Variants in CELSR1 observed in about 807,000 individuals in gnomAD.
The protein encoded by CELSR1 is cadherin EGF LAG seven-pass G-type receptor 1, also known as adhesion G protein-coupled receptor C1.
A neutral mutation model predicts 249.1 loss-of-function variants in CELSR1; 110 were observed. The ratio of observed to expected loss-of-function variants is 0.44; its 90% CI spans 0.38 to 0.52. The LOEUF is 0.52. Among genes scored for constraint, CELSR1 ranks in the 20% least tolerant of loss-of-function variants. The pLI is 0.00. For synonymous variants in CELSR1, 2,113 were observed against 1,900.0 expected, an observed-to-expected ratio of 1.11 and a Z score of -2.92; for missense variants, 4,109 against 4,296.4, an observed-to-expected ratio of 0.96 and a Z score of 1.22.
chr22:46,476,584 A>G (rs112286375), intron 1 of CELSR1, among the ~76,000 whole-genome samples: 367 of 135,022 alleles, frequency 2.7e-3, no homozygotes, highest in Admixed American at 6.7e-3. Flanking sequence ...CAACAGAGTA[A>G]GACTCCGTCT....
At position 46,446,829 on chromosome 22, in the gene CELSR1, T is replaced by TA. The variant is rs953901681; in HGVS notation, c.4184-7419dup. Among the ~76,000 whole-genome samples, 3 of 152,106 alleles carry TA rather than the reference T, an allele frequency of 2.0e-5. No individual in the cohort carries two copies. The highest frequency in any genetic ancestry group is 1.3e-4 in the Admixed American group (2 of 15,272). On this transcript the variant is annotated intron_variant, in intron 2 of 34. Transcript: ENST00000674500. The surrounding 1 kb of genome is among the most constrained non-coding windows in gnomAD (Gnocchi z 5.5). ...TAGTTAAAACATCTTTTCTTTTTTT[T>TA]AATAAAGGACCATGAGAACCAAGAG... is the stretch of plus-strand genomic sequence containing the variant.
chr22:46,379,297 A>G (rs538341773), intron 22 of CELSR1, among the ~76,000 whole-genome samples: 1 of 152,338 alleles, frequency 6.6e-6, no homozygotes, highest in South Asian at 2.1e-4. Context: ...ACAAGGTGTT[A>G]TAAGGTGTGT....
chr22:46,463,753 G>A lies in CELSR1; in HGVS notation c.4137C>T (p.Arg1379=). The stretch of plus-strand genomic sequence containing the variant: ...CGCAGGTGTAGCCGCCCTCGCGGCT[G>A]CGGCAGCGGCCGTTGGCGCCGCACG... The part of the protein sequence containing the change: ...SDPCGANGRC[R]SREGGYTCEC... The change falls in exon 2 of 35, where the codon CGC becomes CGT. Residue 1379 remains arginine (R), a synonymous_variant. Transcript: ENST00000674500. 1.3e-6 allele frequency: 2 copies of A among 1,545,304 alleles called. No individual in the cohort carries two copies. The highest frequency in any genetic ancestry group is 2.0e-5 in the Admixed American group (1 of 49,660).
chr22:46,533,681 G>C lies in CELSR1; in HGVS notation c.3490C>G (p.Arg1164Gly). The C allele has an allele frequency of 1.2e-6, 2 of 1,608,790 alleles. No homozygotes were observed. The highest frequency in any genetic ancestry group is 1.7e-6 in the Non-Finnish European group (2 of 1,178,874). The change falls in exon 1 of 35, where the codon CGC (arginine) becomes GGC (glycine). Residue 1164 changes from arginine to glycine, a missense_variant. Physicochemically the swap from Arg to Gly is moderately radical, Grantham distance 125 (BLOSUM62 -2). Transcript: ENST00000674500. ...DPATGELQLSRDLDNNRPLEA... is the reference protein window; with the variant it reads ...DPATGELQLSGDLDNNRPLEA... Reference sequence around the variant, plus strand: ...AGCGGCCGGTTGTTGTCCAGGTCGCGGCTGAGCTGCAGTTCGCCCGTGGCG... The same window carrying C: ...AGCGGCCGGTTGTTGTCCAGGTCGCCGCTGAGCTGCAGTTCGCCCGTGGCG...
chr22:46,457,420 CAA>C (rs1250240137), intron 2 of CELSR1, among the ~76,000 whole-genome samples: 1 of 152,126 alleles, frequency 6.6e-6, no homozygotes, highest in African/African-American at 2.4e-5. Context: ...TCAACCCTAA[CAA>C]AGCAGCCCCG....
rs555206400 is a variant in CELSR1 at position 46,427,137 on chromosome 22, A to G, written c.4611+6256T>C. On this transcript the variant is annotated intron_variant, in intron 5 of 34. Coordinates refer to ENST00000674500, the MANE Select transcript of CELSR1 (RefSeq NM_001378328.1). The surrounding 1 kb of genome is among the most constrained non-coding windows in gnomAD (Gnocchi z 4.2). Reference sequence around the variant, plus strand: ...CACACACACACCTACACAGACGTCTATGTCCTAGCTCTGCCCAGTAAGAGA... The same window carrying G: ...CACACACACACCTACACAGACGTCTGTGTCCTAGCTCTGCCCAGTAAGAGA... Among the ~76,000 whole-genome samples the G allele has an allele frequency of 9.2e-5, 14 of 152,298 alleles. No individual in the cohort carries two copies. The highest frequency in any genetic ancestry group is 4.2e-4 in the South Asian group (2 of 4,818).
Position 46,461,350 on chromosome 22 carries a change from ACT to A in CELSR1, c.4183+2355_4183+2356del, listed in dbSNP as rs1367074562. Among the ~76,000 whole-genome samples, 3 of 152,082 alleles carry A rather than the reference ACT, an allele frequency of 2.0e-5. No homozygotes were observed. The East Asian group carries it at 5.8e-4, about 29-fold the overall frequency. On this transcript the variant is annotated intron_variant, in intron 2 of 34. Transcript: ENST00000674500. ...CCCAGTCATTAGTTTTCTAAAAATG[ACT>A]CTCCCGATGAAAAGAAAACCTGAGA...
At chr22:46,420,224 TCA>T (rs1169830916) in intron 5 of CELSR1, among the ~76,000 whole-genome samples, 1 of 149,446 alleles carries the variant, frequency 6.7e-6, no homozygotes, top group African/African-American at 2.5e-5. Context: ...ATACCCACAT[TCA>T]CACCCACATA....
At chr22:46,520,676 G>C (rs2080676355) in intron 1 of CELSR1, among the ~76,000 whole-genome samples, 2 of 152,052 alleles carry the variant, frequency 1.3e-5, no homozygotes, top group South Asian at 4.2e-4. Context: ...TGGCCAGGCT[G>C]ATCTCGAGCT....
At position 46,411,737 on chromosome 22, in the gene CELSR1, A is replaced by C; in HGVS notation, c.4634T>G (p.Leu1545Arg). Residue 1545 changes from leucine to arginine, a missense_variant, in exon 6 of 35, where the codon CTG (leucine) becomes CGG (arginine). Coordinates refer to ENST00000674500, the MANE Select transcript of CELSR1 (RefSeq NM_001378328.1). This position sits in a 1 kb window ranked among gnomAD's most constrained non-coding sequence, Gnocchi z 4.2. Reference sequence around the variant, plus strand: ...CTTTTCCCCGGACGGCCCATGGGGCAGGCCCAGGTGGCCAATATTGGGCTG... The same window carrying C: ...CTTTTCCCCGGACGGCCCATGGGGCCGGCCCAGGTGGCCAATATTGGGCTG... Reference protein sequence around the residue: ...YNKPNIGHLGLPHGPSGEKMA... With the variant: ...YNKPNIGHLGRPHGPSGEKMA... 1 of 1,614,194 alleles carries C rather than the reference A, an allele frequency of 6.2e-7. No individual in the cohort carries two copies. Among genetic ancestry groups the C allele is most frequent in the African/African-American group, 1.3e-5 (1 of 75,082 alleles).
Position 46,415,937 on chromosome 22 carries a change from T to G in CELSR1, c.4612-4178A>C, listed in dbSNP as rs924253582. On this transcript the variant is annotated intron_variant, in intron 5 of 34. Transcript: ENST00000674500. ...TTGTCAAAGGAAGACAAAGTGCGTC[T>G]CCGCTGAAAGGCCGGCGTGGAGCAC... is the stretch of plus-strand genomic sequence containing the variant. 6.6e-5 allele frequency among the ~76,000 whole-genome samples: 10 copies of G among 152,210 alleles called. No individual in the cohort carries two copies. The East Asian group carries it at 1.9e-3, about 29-fold the overall frequency.
At chr22:46,377,554 G>T in intron 23 of CELSR1, 1 of 449,550 alleles carries the variant, frequency 2.2e-6, no homozygotes. Flanking sequence ...CCCAGGCCAT[G>T]GGAGCCTCGG....
At chr22:46,459,116 C>G (rs2079990809) in intron 2 of CELSR1, among the ~76,000 whole-genome samples, 1 of 152,184 alleles carries the variant, frequency 6.6e-6, no homozygotes, top group Admixed American at 6.5e-5. Flanking sequence ...TCTCAATCTC[C>G]TGACCTCGTG....
At chr22:46,456,305 T>C (rs2079948298) in intron 2 of CELSR1, among the ~76,000 whole-genome samples, 1 of 152,078 alleles carries the variant, frequency 6.6e-6, no homozygotes, top group Admixed American at 6.5e-5. Context: ...ACTTGCAGGC[T>C]GGGAGGGATG....
At position 46,468,362 on chromosome 22, in the gene CELSR1, G is replaced by A. The variant is rs2080120111; in HGVS notation, c.3545-4017C>T. On this transcript the variant is annotated intron_variant, in intron 1 of 34. Transcript: ENST00000674500. This position sits in a 1 kb window ranked among gnomAD's most constrained non-coding sequence, Gnocchi z 4.5. ...GATCATACCACTGCACTCCAGCCTG[G>A]GCAACAAAGCAAGACTCTGTCTCAA... Among the ~76,000 whole-genome samples, 1 of 145,194 alleles carries A rather than the reference G, an allele frequency of 6.9e-6. No individual in the cohort carries two copies. The highest frequency in any genetic ancestry group is 2.6e-5 in the African/African-American group (1 of 38,924).
At position 46,365,397 on chromosome 22, in the gene CELSR1, G is replaced by A. The variant is rs746744484; in HGVS notation, c.8405-17C>T. The A allele has an allele frequency of 3.1e-6, 5 of 1,611,604 alleles. No homozygotes were observed. The highest frequency in any genetic ancestry group is 2.2e-5 in the East Asian group (1 of 44,860). On this transcript the variant is annotated splice_polypyrimidine_tract_variant and intron_variant, in intron 31 of 34. Coordinates refer to ENST00000674500, the MANE Select transcript of CELSR1 (RefSeq NM_001378328.1). ...AATCGTGGCCTGTGGATGCGCGGGG[G>A]ACAGGGAGGCTCAGGCCCTGGGAGG... is the stretch of plus-strand genomic sequence containing the variant.
Position 46,395,709 on chromosome 22 carries a change from C to A in CELSR1, c.5843+896G>T, listed in dbSNP as rs111853194. Among the ~76,000 whole-genome samples the A allele has an allele frequency of 3.0e-3, 456 of 152,280 alleles. 1 individual carries two copies. The highest frequency in any genetic ancestry group is 0.01 in the African/African-American group (427 of 41,564). On this transcript the variant is annotated intron_variant, in intron 13 of 34. Coordinates refer to ENST00000674500, the MANE Select transcript of CELSR1 (RefSeq NM_001378328.1). The surrounding 1 kb of genome is among the most constrained non-coding windows in gnomAD (Gnocchi z 5.5). ...GAACGGAGCATAGCAGGTGTCCCTG[C>A]ACCTGATGGCCACCAGCAGCTGAGG...
rs1421513253 is a variant in CELSR1 at position 46,430,621 on chromosome 22, A to G, written c.4611+2772T>C. Among the ~76,000 whole-genome samples the G allele has an allele frequency of 6.6e-6, 1 of 152,050 alleles. No homozygotes were observed. The highest frequency in any genetic ancestry group is 1.5e-5 in the Non-Finnish European group (1 of 67,996). ...TCCCCAAAACCTTCCCTGGTGGCCC[A>G]AGGTCACCCCCAAGGTGGCTGCTGG... On this transcript the variant is annotated intron_variant, in intron 5 of 34. Transcript: ENST00000674500. The surrounding 1 kb of genome is among the most constrained non-coding windows in gnomAD (Gnocchi z 4.6).
At position 46,500,877 on chromosome 22, in the gene CELSR1, G is replaced by A. The variant is rs757169600; in HGVS notation, c.3544+32750C>T. Reference sequence around the variant, plus strand: ...CGGGCAGAGCTGTCCTTGTAAGCACGCCCATGATGGGACCCGAAAATCAGC... The same window carrying A: ...CGGGCAGAGCTGTCCTTGTAAGCACACCCATGATGGGACCCGAAAATCAGC... On this transcript the variant is annotated intron_variant, in intron 1 of 34. Coordinates refer to ENST00000674500, the MANE Select transcript of CELSR1 (RefSeq NM_001378328.1). This position sits in a 1 kb window ranked among gnomAD's most constrained non-coding sequence, Gnocchi z 4.9. Among the ~76,000 whole-genome samples, 1 of 152,020 alleles carries A rather than the reference G, an allele frequency of 6.6e-6. No individual in the cohort carries two copies. Among genetic ancestry groups the A allele is most frequent in the Admixed American group, 6.6e-5 (1 of 15,240 alleles).
Sources: gnomAD v4.1 joint callset for allele counts (sites outside exome capture counted in the v4.1 genomes callset) on GRCh38, gnomAD v4.1.1 for gene constraint, Gnocchi (gnomAD v3.1) non-coding constraint, MANE v1.5 for transcripts, NCBI Gene and HGNC (gene_info 2026-07-23, HGNC 2026-07-21) for gene names.